The following NRXN1 variants were observed in gnomAD, a reference collection of about 807,000 sequenced individuals.
NRXN1 encodes the protein neurexin-1.
A neutral mutation model predicts 150.9 loss-of-function variants in NRXN1; 39 were observed. The observed-to-expected ratio is 0.26, with a 90% confidence interval of 0.20 to 0.34. The LOEUF (loss-of-function observed/expected upper bound fraction) is 0.34. Ranked by LOEUF, NRXN1 falls within the 10% of genes least tolerant of loss-of-function variation. The pLI, the probability that NRXN1 is intolerant of heterozygous loss-of-function variation, is 1.00. For synonymous variants in NRXN1, 924 were observed against 757.0 expected, an observed-to-expected ratio of 1.22 and a Z score of -3.62; for missense variants, 1,815 against 1,949.9, an observed-to-expected ratio of 0.93 and a Z score of 1.30.
At position 50,625,931 on chromosome 2, in the gene NRXN1, T is replaced by G. The variant is rs550982919; in HGVS notation, c.833-2316A>C. Among the ~76,000 whole-genome samples, 7 of 152,166 alleles carry G rather than the reference T, an allele frequency of 4.6e-5. No individual in the cohort carries two copies. The South Asian group carries it at 1.4e-3, about 32-fold the overall frequency. Reference sequence around the variant, plus strand: ...AAAACAAACAACATAAATCGTATGTTATTATGAAATCTAGAATTTTCTCTT... The same window carrying G: ...AAAACAAACAACATAAATCGTATGTGATTATGAAATCTAGAATTTTCTCTT... On this transcript the variant is annotated intron_variant, in intron 5 of 22. Transcript: ENST00000401669.
intron 5 of NRXN1, among the ~76,000 whole-genome samples, chr2:50,887,244 C>T (rs1680389065): frequency 6.6e-6 from 1 of 151,418 alleles, no homozygotes; most frequent in Admixed American, 6.6e-5. Flanking sequence ...CATCTCTCTT[C>T]TACTTGATCC....
intron 5 of NRXN1, among the ~76,000 whole-genome samples, chr2:50,847,822 G>A (rs953815308): frequency 1.3e-5 from 2 of 152,128 alleles, no homozygotes; most frequent in African/African-American, 4.8e-5. Flanking sequence ...GAAAGGTGGC[G>A]GAGTTTGGCT....
chr2:50,817,809 A>G (rs2105804898), intron 5 of NRXN1, among the ~76,000 whole-genome samples: 1 of 152,152 alleles, frequency 6.6e-6, no homozygotes, highest in South Asian at 2.1e-4. Flanking sequence ...ACCCCTTTTC[A>G]TGATAAAAAC....
intron 18 of NRXN1, among the ~76,000 whole-genome samples, chr2:50,137,040 T>A (rs1303491027): frequency 6.6e-6 from 1 of 152,182 alleles, no homozygotes; most frequent in East Asian, 1.9e-4. Context: ...ACACTGTCAG[T>A]TGAGTATTTG....
intron 5 of NRXN1, among the ~76,000 whole-genome samples, chr2:50,636,764 T>A (rs940509518): frequency 3.3e-5 from 5 of 152,206 alleles, no homozygotes; most frequent in African/African-American, 1.2e-4. Context: ...TTCCTATTCC[T>A]AATCACCTTT....
chr2:50,413,233 A>G (rs557138441), intron 17 of NRXN1, among the ~76,000 whole-genome samples: 1 of 152,362 alleles, frequency 6.6e-6, no homozygotes, highest in African/African-American at 2.4e-5. Flanking sequence ...TAACAACTTT[A>G]CAGAAAATAA....
chr2:50,805,375 G>C (rs921709766), intron 5 of NRXN1, among the ~76,000 whole-genome samples: 2 of 152,020 alleles, frequency 1.3e-5, no homozygotes, highest in African/African-American at 4.8e-5. Flanking sequence ...TATTTTCCAG[G>C]CAGGTGTGGT....
chr2:50,182,875 G>A (rs1178650391), intron 18 of NRXN1, among the ~76,000 whole-genome samples: 2 of 152,010 alleles, frequency 1.3e-5, no homozygotes, highest in African/African-American at 4.8e-5. Context: ...TGGAGAAAAA[G>A]TTCAGTAAAG....
At chr2:50,630,503 C>G (rs1309164295) in intron 5 of NRXN1, among the ~76,000 whole-genome samples, 1 of 151,678 alleles carries the variant, frequency 6.6e-6, no homozygotes, top group Non-Finnish European at 1.5e-5. Context: ...ACTTCTTCAC[C>G]AAATAAATAA....
At chr2:50,891,955 A>T (rs1027430108) in intron 5 of NRXN1, among the ~76,000 whole-genome samples, 3 of 152,130 alleles carry the variant, frequency 2.0e-5, no homozygotes, top group African/African-American at 4.8e-5. Context: ...GTACAGCCAC[A>T]TAGAAAACAG....
At chr2:50,264,074 G>T (rs963525885) in intron 17 of NRXN1, among the ~76,000 whole-genome samples, 1 of 152,098 alleles carries the variant, frequency 6.6e-6, no homozygotes, top group African/African-American at 2.4e-5. Context: ...AAAATGGCTT[G>T]TATGGGAAAT....
At position 50,683,646 on chromosome 2, in the gene NRXN1, A is replaced by AAAAAAAAAAAAAAAAATAT; in HGVS notation, c.833-60032_833-60031insATATTTTTTTTTTTTTTTT. On this transcript the variant is annotated intron_variant, in intron 5 of 22. Transcript: ENST00000401669. ...GACTCCGTCTCAAAAAAAAAAAAAA[A>AAAAAAAAAAAAAAAAATAT]ATATATATATATATATATATGTTAT... Among the ~76,000 whole-genome samples, 39 of 14,898 alleles carry AAAAAAAAAAAAAAAAATAT rather than the reference A, an allele frequency of 2.6e-3. 2 individuals carry two copies. Among genetic ancestry groups the AAAAAAAAAAAAAAAAATAT allele is most frequent in the African/African-American group, 0.014 (39 of 2,772 alleles). The allele number at this position is 14,898 out of a possible 152,430, so 9.8% of individuals were successfully genotyped here.
intron 5 of NRXN1, among the ~76,000 whole-genome samples, chr2:50,630,014 C>A (rs1323473516): frequency 6.6e-6 from 1 of 151,478 alleles, no homozygotes; most frequent in Non-Finnish European, 1.5e-5. Context: ...AAATTTGAAG[C>A]ATCTTTCCAA....
chr2:50,551,100 AGGAGGGAGGGGGAGG>A (rs1252317260), intron 9 of NRXN1, among the ~76,000 whole-genome samples: 26 of 101,092 alleles, frequency 2.6e-4, no homozygotes, highest in African/African-American at 9.1e-4. Context: ...GAGGAGGAGG[AGGAGGGAGGGGGAGG>A]GGGAGGGGGA....
intron 9 of NRXN1, among the ~76,000 whole-genome samples, chr2:50,550,798 C>G (rs1667349166): frequency 1.3e-5 from 2 of 151,818 alleles, no homozygotes; most frequent in African/African-American, 4.8e-5. Context: ...TCTCCTGCCT[C>G]AGCCTCCCGA....
chr2:50,825,942 G>A (rs572810215), intron 5 of NRXN1, among the ~76,000 whole-genome samples: 1 of 152,224 alleles, frequency 6.6e-6, no homozygotes, highest in South Asian at 2.1e-4. Context: ...CACATCTCAT[G>A]TTAGAGGTAT....
intron 5 of NRXN1, among the ~76,000 whole-genome samples, chr2:50,699,554 AG>A (rs1290320597): frequency 6.6e-6 from 1 of 152,054 alleles, no homozygotes; most frequent in East Asian, 1.9e-4. Flanking sequence ...GCACCTGGAA[AG>A]CATGAAATGG....
At chr2:49,954,360 G>A (rs926006787) in intron 21 of NRXN1, among the ~76,000 whole-genome samples, 5 of 152,108 alleles carry the variant, frequency 3.3e-5, no homozygotes, top group African/African-American at 9.6e-5. Flanking sequence ...CCTTTCCTCC[G>A]ACCAGATCTC....
intron 14 of NRXN1, among the ~76,000 whole-genome samples, chr2:50,496,332 T>C (rs1470585443): frequency 6.6e-6 from 1 of 152,200 alleles, no homozygotes; most frequent in Non-Finnish European, 1.5e-5. Flanking sequence ...TTTAAAATCA[T>C]GGTCTACATT....
Sources: gnomAD v4.1 joint callset for allele counts (sites outside exome capture counted in the v4.1 genomes callset) on GRCh38, gnomAD v4.1.1 for gene constraint, MANE v1.5 for transcripts, NCBI Gene and HGNC (gene_info 2026-07-23, HGNC 2026-07-21) for gene names.